Variants in NCALD observed in about 807,000 individuals in gnomAD.
NCALD encodes neurocalcin-delta.
Under a neutral mutation model 18.6 loss-of-function variants are expected in NCALD, and 10 were observed. The observed-to-expected ratio is 0.54, with a 90% CI of 0.33 to 0.91. The LOEUF (loss-of-function observed/expected upper bound fraction) is 0.91, where lower values mean the gene tolerates loss of function less well. Among genes scored for constraint, NCALD ranks in the 40% least tolerant of loss-of-function variants. The probability of loss-of-function intolerance (pLI) is 0.03; values close to 1 mark genes in which losing one functional copy is unlikely to be tolerated. For synonymous variants in NCALD, 88 were observed against 87.4 expected (o/e 1.01, Z -0.04); for missense variants, 184 against 247.6 (o/e 0.74, Z 1.72).
At chr8:101,773,345 A>G (rs955813457) in intron 1 of NCALD, among the ~76,000 whole-genome samples, 1 of 152,194 alleles carries the variant, frequency 6.6e-6, no homozygotes, top group African/African-American at 2.4e-5. Flanking sequence ...TTCCTCTGCC[A>G]GAGCAATCTA....
intron 2 of NCALD, among the ~76,000 whole-genome samples, chr8:101,951,420 G>A (rs1045419313): frequency 2.6e-5 from 4 of 152,158 alleles, no homozygotes; most frequent in African/African-American, 9.7e-5. Context: ...TGGCGAAGAC[G>A]GAAGAATTTA....
chr8:102,087,573 A>G (rs1375975131), intron 1 of NCALD, among the ~76,000 whole-genome samples: 1 of 152,212 alleles, frequency 6.6e-6, no homozygotes, highest in East Asian at 1.9e-4. Context: ...TAAGAAGGTT[A>G]GAATCCTTCT....
chr8:101,689,366 G>C lies in NCALD; in HGVS notation c.525C>G (p.Ser175Arg), dbSNP rs72674286. Residue 175 changes from serine to arginine, a missense_variant, in exon 4 of 4, where the codon AGC becomes AGG. Physicochemically the swap from Ser to Arg is moderately radical, Grantham distance 110. Coordinates refer to ENST00000220931, the MANE Select transcript of NCALD (RefSeq NM_032041.3). This position sits in a 1 kb window ranked among gnomAD's most constrained non-coding sequence, Gnocchi z 4.4. ...SLEEFIRGAKSDPSIVRLLQC... is the reference protein window; with the variant it reads ...SLEEFIRGAKRDPSIVRLLQC... The stretch of plus-strand genomic sequence containing the variant: ...GCAGGAGGCGCACAATGGACGGGTC[G>C]CTTTTGGCTCCTCGGATGAACTCTT... The C allele has an allele frequency of 6.2e-7, 1 of 1,612,768 alleles. No individual in the cohort carries two copies. Among genetic ancestry groups the C allele is most frequent in the East Asian group, 2.2e-5 (1 of 44,834 alleles).
chr8:101,913,748 A>G (rs1817881961), intron 3 of NCALD, among the ~76,000 whole-genome samples: 1 of 152,008 alleles, frequency 6.6e-6, no homozygotes, highest in African/African-American at 2.4e-5. Context: ...ACGCCCAGCT[A>G]ATTTTGTATT....
chr8:102,115,232 G>C (rs561885866), intron 1 of NCALD, among the ~76,000 whole-genome samples: 1 of 152,318 alleles, frequency 6.6e-6, no homozygotes, highest in South Asian at 2.1e-4. Flanking sequence ...TAAAGCAAAA[G>C]GATCCAAAGT....
At chr8:101,880,295 C>T (rs779496909) in intron 4 of NCALD, among the ~76,000 whole-genome samples, 33 of 152,292 alleles carry the variant, frequency 2.2e-4, no homozygotes, top group African/African-American at 6.7e-4. Flanking sequence ...GCTCGGAGTG[C>T]GGGGCCCACT....
At chr8:101,788,448 C>CTACAACAA (rs1812319108) in intron 1 of NCALD, among the ~76,000 whole-genome samples, 1 of 152,238 alleles carries the variant, frequency 6.6e-6, no homozygotes, top group East Asian at 1.9e-4. Context: ...TTGTAGATAT[C>CTACAACAA]CTGAAATATC....
chr8:101,992,956 G>A (rs535867394), intron 2 of NCALD, among the ~76,000 whole-genome samples: 1 of 149,728 alleles, frequency 6.7e-6, no homozygotes, highest in South Asian at 2.2e-4. Flanking sequence ...AATAAAAAAA[G>A]TAAGGCACAA....
At chr8:102,104,787 T>TG (rs1554598119) in intron 1 of NCALD, among the ~76,000 whole-genome samples, 1 of 152,124 alleles carries the variant, frequency 6.6e-6, no homozygotes, top group Non-Finnish European at 1.5e-5. Context: ...AATGCATGTG[T>TG]GGGGAGTGGA....
intron 1 of NCALD, among the ~76,000 whole-genome samples, chr8:101,784,822 G>A (rs778571207): frequency 9.9e-5 from 15 of 152,188 alleles, no homozygotes; most frequent in South Asian, 8.3e-4. Flanking sequence ...TTTTAATGTG[G>A]TAATGGATTC....
intron 2 of NCALD, among the ~76,000 whole-genome samples, chr8:102,010,993 A>G (rs1821885357): frequency 6.6e-6 from 1 of 152,208 alleles, no homozygotes; most frequent in Non-Finnish European, 1.5e-5. Context: ...GGAAGGATAC[A>G]CAAGAGAAAT....
chr8:101,936,859 ACCT>A lies in NCALD; in HGVS notation c.-156-21004_-156-21002del, dbSNP rs1388467791. Among the ~76,000 whole-genome samples the A allele has an allele frequency of 1.3e-4, 20 of 151,980 alleles. 1 individual carries two copies. Among genetic ancestry groups the A allele is most frequent in the Admixed American group, 1.0e-3 (16 of 15,248 alleles). On this transcript the variant is annotated intron_variant, in intron 2 of 6. Coordinates refer to the NCALD transcript ENST00000311028. Reference sequence around the variant, plus strand: ...TTAAAACCCAACTCTCTTCCACATGACCTCCTGCAGGACCTTGTCTCTTGTATC... The same window carrying A: ...TTAAAACCCAACTCTCTTCCACATGACCTGCAGGACCTTGTCTCTTGTATC...
chr8:101,728,549 C>T (rs1303427880), intron 1 of NCALD, among the ~76,000 whole-genome samples: 4 of 152,152 alleles, frequency 2.6e-5, no homozygotes, highest in Non-Finnish European at 5.9e-5. Flanking sequence ...TAGGGCGGGG[C>T]GTAGCTCATG....
chr8:102,123,832 G>C (rs1336853764), intron 1 of NCALD: 2 of 147,266 alleles, frequency 1.4e-5, no homozygotes, highest in Admixed American at 6.7e-5. Context: ...CCCCGGCCCC[G>C]GCCCCCGGGG....
At chr8:101,908,677 A>G (rs1817691546) in intron 3 of NCALD, among the ~76,000 whole-genome samples, 1 of 152,176 alleles carries the variant, frequency 6.6e-6, no homozygotes, top group African/African-American at 2.4e-5. Flanking sequence ...CATGACCTGA[A>G]GATAACAGGA....
intron 2 of NCALD, among the ~76,000 whole-genome samples, chr8:101,935,066 A>G (rs1287343735): frequency 6.6e-6 from 1 of 152,178 alleles, no homozygotes; most frequent in Non-Finnish European, 1.5e-5. Context: ...AGACATCTGA[A>G]AGCAGATGCG....
At chr8:102,061,933 T>G (rs1823863614) in intron 1 of NCALD, among the ~76,000 whole-genome samples, 1 of 152,244 alleles carries the variant, frequency 6.6e-6, no homozygotes, top group African/African-American at 2.4e-5. Context: ...TCATCTATTT[T>G]TATATTCTTT....
At position 101,968,027 on chromosome 8, in the gene NCALD, A is replaced by G. The variant is rs778117769; in HGVS notation, c.-156-52169T>C. Among the ~76,000 whole-genome samples the G allele has an allele frequency of 3.1e-4, 47 of 152,200 alleles. 2 individuals are homozygous for G. The highest frequency in any genetic ancestry group is 1.5e-4 in the Non-Finnish European group (10 of 68,038). ...TCAGAGCCTCAAAGAGAAACAGAATATGATTGGTTGCCCCTTAAGAGGTGT... is the reference window on the plus strand; with the variant it reads ...TCAGAGCCTCAAAGAGAAACAGAATGTGATTGGTTGCCCCTTAAGAGGTGT... On this transcript the variant is annotated intron_variant, in intron 2 of 6. Transcript: ENST00000311028.
At chr8:102,065,927 A>G (rs1823994343) in intron 1 of NCALD, among the ~76,000 whole-genome samples, 1 of 152,214 alleles carries the variant, frequency 6.6e-6, no homozygotes, top group East Asian at 1.9e-4. Flanking sequence ...ACTATATATG[A>G]TTTTATAACT....
Sources: gnomAD v4.1 joint callset for allele counts (sites outside exome capture counted in the v4.1 genomes callset) on GRCh38, gnomAD v4.1.1 for gene constraint, Gnocchi (gnomAD v3.1) non-coding constraint, MANE v1.5 for transcripts, NCBI Gene and HGNC (gene_info 2026-07-23, HGNC 2026-07-21) for gene names.